ELP4: variants seen among roughly 807,000 people sequenced by gnomAD.
The protein encoded by ELP4 is elongator complex protein 4.
A neutral mutation model predicts 48.9 loss-of-function variants in ELP4; 51 were observed. That is an observed-to-expected ratio of 1.04 (90% CI 0.83 to 1.32). The LOEUF (loss-of-function observed/expected upper bound fraction) is 1.32. Among genes scored for constraint, ELP4 ranks in the 40% most tolerant of loss-of-function variants. The probability of loss-of-function intolerance (pLI) is 0.00; values close to 1 mark genes in which losing one functional copy is unlikely to be tolerated. For synonymous variants in ELP4, 210 were observed against 189.2 expected, an observed-to-expected ratio of 1.11 and a Z score of -0.90; for missense variants, 519 against 514.6, an observed-to-expected ratio of 1.01 and a Z score of -0.08.
intron 3 of ELP4, among the ~76,000 whole-genome samples, chr11:31,593,933 A>G (rs1399971130): frequency 1.3e-5 from 2 of 152,196 alleles, no homozygotes; most frequent in Admixed American, 6.5e-5. Context: ...TTCTAAGCAT[A>G]AGTAAATTTG....
intron 3 of ELP4, among the ~76,000 whole-genome samples, chr11:31,548,833 A>T (rs532444802): frequency 1.3e-5 from 2 of 152,208 alleles, no homozygotes; most frequent in Non-Finnish European, 1.5e-5. Context: ...AAAATGCTGC[A>T]TATCTACAAA....
intron 7 of ELP4, among the ~76,000 whole-genome samples, chr11:31,638,961 T>C (rs1945034106): frequency 6.6e-6 from 1 of 151,862 alleles, no homozygotes; most frequent in Non-Finnish European, 1.5e-5. Flanking sequence ...CTATAAATTT[T>C]GGGAAAATAT....
chr11:31,608,758 TAGAC>T (rs1957923929), intron 5 of ELP4, among the ~76,000 whole-genome samples: 1 of 151,978 alleles, frequency 6.6e-6, no homozygotes, highest in Non-Finnish European at 1.5e-5. Flanking sequence ...AATATAGTAT[TAGAC>T]AGGGAACAAG....
chr11:31,583,641 A>G (rs879409766), intron 3 of ELP4, among the ~76,000 whole-genome samples: 2 of 152,150 alleles, frequency 1.3e-5, no homozygotes, highest in African/African-American at 2.4e-5. Flanking sequence ...TGAACTACTG[A>G]TTTTCATTTT....
intron 5 of ELP4, 152 bp downstream of exon 5, chr11:31,604,059 ATTTTT>A: frequency 1.7e-6 from 1 of 577,464 alleles, no homozygotes; most frequent in Non-Finnish European, 2.7e-6. Flanking sequence ...AAGTCTATGT[ATTTTT>A]CATAGTATTT....
At chr11:31,551,577 T>C (rs899341103) in intron 3 of ELP4, among the ~76,000 whole-genome samples, 1 of 152,156 alleles carries the variant, frequency 6.6e-6, no homozygotes, top group Non-Finnish European at 1.5e-5. Flanking sequence ...TGCAGAAAAG[T>C]TTTGGAAGTT....
chr11:31,659,707 G>A (rs2134088089), intron 9 of ELP4, among the ~76,000 whole-genome samples: 1 of 152,168 alleles, frequency 6.6e-6, no homozygotes, highest in Non-Finnish European at 1.5e-5. Context: ...TCCATTATAG[G>A]CTCAGTGCAG....
chr11:31,671,967 A>G (rs1945817954), intron 9 of ELP4, among the ~76,000 whole-genome samples: 1 of 151,982 alleles, frequency 6.6e-6, no homozygotes, highest in African/African-American at 2.4e-5. Context: ...TCTTATTCCC[A>G]TCAGGAACTT....
At chr11:31,657,903 A>G (rs1305957921) in intron 9 of ELP4, among the ~76,000 whole-genome samples, 1 of 152,072 alleles carries the variant, frequency 6.6e-6, no homozygotes, top group Admixed American at 6.6e-5. Flanking sequence ...GCCTAGGACT[A>G]CTGCAAGTGC....
intron 9 of ELP4, among the ~76,000 whole-genome samples, chr11:31,669,099 T>G (rs547585820): frequency 1.3e-5 from 1 of 75,694 alleles, no homozygotes; most frequent in East Asian, 3.7e-4. Context: ...TTATTTTATT[T>G]TTATTTTTAT....
chr11:31,566,367 A>T (rs1215023145), intron 3 of ELP4, among the ~76,000 whole-genome samples: 1 of 152,186 alleles, frequency 6.6e-6, no homozygotes, highest in East Asian at 1.9e-4. Flanking sequence ...CCAAAAAAAA[A>T]AAAGATTCAT....
chr11:31,785,736 CATT>C lies in ELP4; in HGVS notation c.*2216_*2218del, dbSNP rs1017450337. 1.8e-4 allele frequency: 35 copies of C among 192,772 alleles called. No individual in the cohort carries two copies. Among genetic ancestry groups the C allele is most frequent in the African/African-American group, 7.4e-4 (32 of 43,178 alleles). 11.9% of individuals were successfully genotyped at this position (192,772 alleles called of 1,614,324 possible). Reference sequence around the variant, plus strand: ...AATGTGTTTTCCTTTCTTCTGGAAACATTATTTGTTACTCATTATGTTAATAAC... The same window carrying C: ...AATGTGTTTTCCTTTCTTCTGGAAACATTTGTTACTCATTATGTTAATAAC... On this transcript the variant is annotated 3_prime_UTR_variant, in exon 10 of 10. Coordinates refer to ENST00000640961, the MANE Select transcript of ELP4 (RefSeq NM_019040.5).
chr11:31,524,176 T>C lies in ELP4; in HGVS notation c.259+4085T>C, dbSNP rs376231229. 2.6e-4 allele frequency among the ~76,000 whole-genome samples: 39 copies of C among 152,324 alleles called. 1 individual carries two copies. In the East Asian group the frequency reaches 4.2e-3, roughly 17 times the overall value. The stretch of plus-strand genomic sequence containing the variant: ...AACAATATTAACACAAATTTTACAG[T>C]TTATAAACAACATAGATTTATTTAT... On this transcript the variant is annotated intron_variant, in intron 2 of 9. Transcript: ENST00000640961.
intron 3 of ELP4, among the ~76,000 whole-genome samples, chr11:31,571,254 A>G (rs1483023350): frequency 2.0e-5 from 3 of 152,236 alleles, no homozygotes; most frequent in Non-Finnish European, 4.4e-5. Context: ...TGTTATTTCA[A>G]CAGTGTTCAT....
At chr11:31,534,620 C>G (rs1418361632) in intron 2 of ELP4, among the ~76,000 whole-genome samples, 1 of 152,082 alleles carries the variant, frequency 6.6e-6, no homozygotes. Flanking sequence ...ATCCAGTAAT[C>G]ACTGAAAACA....
intron 5 of ELP4, among the ~76,000 whole-genome samples, chr11:31,623,811 T>C (rs1241136066): frequency 6.7e-6 from 1 of 149,598 alleles, no homozygotes; most frequent in Non-Finnish European, 1.5e-5. Flanking sequence ...AAACCATATG[T>C]CTAATAAAAG....
At chr11:31,747,421 G>C (rs894236468) in intron 9 of ELP4, among the ~76,000 whole-genome samples, 9 of 151,990 alleles carry the variant, frequency 5.9e-5, no homozygotes, top group African/African-American at 2.2e-4. Flanking sequence ...GAGAGGGGAG[G>C]GTGGAGGGGA....
At chr11:31,594,624 T>A in intron 3 of ELP4, 146 bp from the exon 4 acceptor site, 1 of 468,804 alleles carries the variant, frequency 2.1e-6, no homozygotes, top group African/African-American at 2.0e-5. Flanking sequence ...TTTAGAAATG[T>A]CTATTTTTAT....
At chr11:31,588,202 T>C (rs1957510551) in intron 3 of ELP4, among the ~76,000 whole-genome samples, 1 of 152,188 alleles carries the variant, frequency 6.6e-6, no homozygotes, top group South Asian at 2.1e-4. Context: ...ATAATATGTT[T>C]ATATAACAGT....
Sources: allele counts gnomAD v4.1 joint callset (sites outside exome capture counted in the v4.1 genomes callset), GRCh38; gene constraint gnomAD v4.1.1; transcripts MANE v1.5; gene names NCBI Gene and HGNC (gene_info 2026-07-23, HGNC 2026-07-21).